SLC25A48: variants seen among roughly 807,000 people sequenced by gnomAD.
SLC25A48 encodes the protein CTC-321K16.1.
In SLC25A48, 29 loss-of-function variants were observed where a neutral mutation model predicts 32.2. That is an observed-to-expected ratio of 0.90 (90% CI 0.67 to 1.23). The LOEUF is 1.23. SLC25A48 is among the 50% of genes most tolerant of loss of function. The probability of loss-of-function intolerance (pLI) is 0.00; values close to 1 mark genes in which losing one functional copy is unlikely to be tolerated. For synonymous variants in SLC25A48, 164 were observed against 172.3 expected (o/e 0.95, Z 0.38); for missense variants, 399 against 422.7 (o/e 0.94, Z 0.49).
At chr5:135,756,071 G>T (rs1246175058) in intron 3 of SLC25A48, among the ~76,000 whole-genome samples, 1 of 151,218 alleles carries the variant, frequency 6.6e-6, no homozygotes, top group African/African-American at 2.4e-5. Flanking sequence ...ATGAAATGTC[G>T]CTGTGATATT....
chr5:135,811,898 A>G (rs1374902994), intron 3 of SLC25A48, among the ~76,000 whole-genome samples: 1 of 152,184 alleles, frequency 6.6e-6, no homozygotes, highest in Non-Finnish European at 1.5e-5. Flanking sequence ...CCTGGCCAAC[A>G]TGGTGAAACT....
chr5:135,744,606 G>A (rs1331335364), intron 3 of SLC25A48, among the ~76,000 whole-genome samples: 1 of 151,826 alleles, frequency 6.6e-6, no homozygotes, highest in East Asian at 1.9e-4. Flanking sequence ...TAAAGTGCTG[G>A]GATTACAGGC....
At chr5:135,840,619 A>G (rs571836304) in intron 1 of SLC25A48, among the ~76,000 whole-genome samples, 1 of 152,276 alleles carries the variant, frequency 6.6e-6, no homozygotes, top group South Asian at 2.1e-4. Context: ...TTCTGTCTTT[A>G]TGGATTTGCC....
chr5:135,762,600 G>A (rs567356587), intron 3 of SLC25A48, among the ~76,000 whole-genome samples: 14 of 152,176 alleles, frequency 9.2e-5, no homozygotes, highest in African/African-American at 3.4e-4. Context: ...ATGTGTCTTG[G>A]GTCAGGGGAT....
At position 135,714,974 on chromosome 5, in the gene SLC25A48, G is replaced by A. The variant is rs191684989; in HGVS notation, c.-521+80018G>A. The stretch of plus-strand genomic sequence containing the variant: ...GATGCTGAGGGCAGACTGCTGAGTC[G>A]GAGCTTCACCCTGTAACAAAGGGGA... On this transcript the variant is annotated intron_variant, in intron 3 of 10. Coordinates refer to the SLC25A48 transcript ENST00000646290. Among the ~76,000 whole-genome samples the A allele has an allele frequency of 1.7e-4, 26 of 152,262 alleles. No individual in the cohort carries two copies. The East Asian group carries it at 2.3e-3, about 14-fold the overall frequency.
rs769063834 is a variant in SLC25A48 at position 135,871,649 on chromosome 5, G to A, written c.610G>A (p.Glu204Lys). Residue 204 changes from glutamate to lysine, a missense_variant, in exon 5 of 8, where the codon GAG becomes AAG. By Grantham distance (56) the Glu-to-Lys change is moderately conservative. Transcript: ENST00000681962. ...LYFIPYVFLS[E>K]WITPEACTGP... The stretch of plus-strand genomic sequence containing the variant: ...CTTCATCCCCTACGTGTTCCTGAGT[G>A]AGTGGATCACACCTGAGGCCTGCAC... 3 of 1,614,082 alleles carry A rather than the reference G, an allele frequency of 1.9e-6. No individual in the cohort carries two copies. In the African/African-American group the frequency reaches 4.0e-5, roughly 22 times the overall value.
intron 1 of SLC25A48, among the ~76,000 whole-genome samples, chr5:135,608,738 C>T (rs140586631): frequency 2.0e-5 from 3 of 152,164 alleles, no homozygotes; most frequent in Non-Finnish European, 4.4e-5. Context: ...CTTCTTCTGT[C>T]TCCATCCTCC....
intron 4 of SLC25A48, among the ~76,000 whole-genome samples, chr5:135,816,949 C>T (rs137947810): frequency 0.03 from 4,567 of 152,172 alleles, 109 homozygotes; most frequent in Non-Finnish European, 0.041. Flanking sequence ...ACATAAAAAC[C>T]CCAAAATATT....
chr5:135,761,472 GAAGA>G (rs1193373561), intron 3 of SLC25A48, among the ~76,000 whole-genome samples: 5 of 151,282 alleles, frequency 3.3e-5, no homozygotes, highest in East Asian at 1.9e-4. Flanking sequence ...TATAAAAAAA[GAAGA>G]AAGAAAAAGA....
intron 3 of SLC25A48, among the ~76,000 whole-genome samples, chr5:135,751,703 G>A (rs1755774631): frequency 1.3e-5 from 2 of 152,058 alleles, no homozygotes; most frequent in South Asian, 4.2e-4. Context: ...GCATGGTGGT[G>A]CGTGCCTGTA....
chr5:135,789,109 G>T (rs76221198), intron 3 of SLC25A48, among the ~76,000 whole-genome samples: 2,370 of 151,658 alleles, frequency 0.016, 40 homozygotes, highest in Non-Finnish European at 0.022. Flanking sequence ...TTCCTATGTG[G>T]CAGGGGGTGT....
At chr5:135,747,571 G>C (rs1755671035) in intron 3 of SLC25A48, among the ~76,000 whole-genome samples, 1 of 151,992 alleles carries the variant, frequency 6.6e-6, no homozygotes, top group Non-Finnish European at 1.5e-5. Flanking sequence ...GTTACTTTTA[G>C]CAGACAACAG....
chr5:135,634,153 C>T (rs1752643486), intron 2 of SLC25A48, among the ~76,000 whole-genome samples: 1 of 152,172 alleles, frequency 6.6e-6, no homozygotes, highest in South Asian at 2.1e-4. Context: ...CTAGACTTGC[C>T]TAGGTGGTGT....
At chr5:135,712,759 G>A (rs76690169) in intron 3 of SLC25A48, among the ~76,000 whole-genome samples, 1 of 152,188 alleles carries the variant, frequency 6.6e-6, no homozygotes, top group Admixed American at 6.5e-5. Context: ...TGCACTTGGG[G>A]CAAACCTGCC....
intron 1 of SLC25A48, among the ~76,000 whole-genome samples, chr5:135,590,600 C>A (rs1751498987): frequency 6.6e-6 from 1 of 152,142 alleles, no homozygotes; most frequent in South Asian, 2.1e-4. Flanking sequence ...GGGCTGGGGG[C>A]TGAGCTAGTG....
intron 2 of SLC25A48, among the ~76,000 whole-genome samples, chr5:135,847,728 C>A (rs1437816008): frequency 6.6e-6 from 1 of 151,988 alleles, no homozygotes; most frequent in African/African-American, 2.4e-5. Flanking sequence ...AGGGTGAACC[C>A]CAAAAGCTGG....
At chr5:135,586,268 T>G (rs559022903) in intron 1 of SLC25A48, among the ~76,000 whole-genome samples, 54 of 152,340 alleles carry the variant, frequency 3.5e-4, no homozygotes, top group African/African-American at 1.3e-3. Flanking sequence ...CCTGTCTGCA[T>G]GCTGCTGCCA....
At chr5:135,682,421 A>C (rs1373472211) in intron 3 of SLC25A48, among the ~76,000 whole-genome samples, 1 of 152,174 alleles carries the variant, frequency 6.6e-6, no homozygotes, top group African/African-American at 2.4e-5. Context: ...GGATTAGGTA[A>C]GATTGGTATA....
At chr5:135,640,861 G>A (rs1364496647) in intron 3 of SLC25A48, among the ~76,000 whole-genome samples, 1 of 152,088 alleles carries the variant, frequency 6.6e-6, no homozygotes, top group African/African-American at 2.4e-5. Context: ...TTGATAAAAG[G>A]CATCTATGAA....
Sources: allele counts gnomAD v4.1 joint callset (sites outside exome capture counted in the v4.1 genomes callset), GRCh38; gene constraint gnomAD v4.1.1; transcripts MANE v1.5; gene names NCBI Gene and HGNC (gene_info 2026-07-23, HGNC 2026-07-21).